Variants in DDX5 observed in about 807,000 individuals in gnomAD.
The protein encoded by DDX5 is DEAD-box helicase 5, also known as probable ATP-dependent RNA helicase DDX5.
In DDX5, 6 loss-of-function variants were observed where a neutral mutation model predicts 68.6. That is an observed-to-expected ratio of 0.09 (90% CI 0.05 to 0.17). DDX5 has a LOEUF of 0.17. DDX5 is among the 10% of genes least tolerant of loss of function. The probability of loss-of-function intolerance (pLI) is 1.00; values close to 1 mark genes in which losing one functional copy is unlikely to be tolerated. For missense variants in DDX5, 499 were observed against 756.1 expected (o/e 0.66, Z 3.99); for synonymous variants, 350 against 247.0 (o/e 1.42, Z -3.91).
rs1555670667 is a variant in DDX5 at position 64,499,898 on chromosome 17, G to A, written c.*25C>T. The A allele has an allele frequency of 3.3e-6, 5 of 1,527,274 alleles. No homozygotes were observed. The highest frequency in any genetic ancestry group is 2.3e-5 in the East Asian group (1 of 44,128). The allele number at this position is 1,527,274 out of a possible 1,614,324, so 94.6% of individuals were successfully genotyped here. On this transcript the variant is annotated 3_prime_UTR_variant, in exon 13 of 13. Coordinates refer to ENST00000225792, the MANE Select transcript of DDX5 (RefSeq NM_004396.5). ...ATATAAAGAGCAATTATGAAAAACA[G>A]ACATTTACATATACTTCTAAAGTCT...
In DDX5 at chr17:64,504,849, TG is replaced by T. The variant is rs782138317; in HGVS notation, c.45-8del. ...AAATCGAGGTGCACCAAACCTGGAATGAAAAAAAACGTTATTCACATTTTCA... is the reference window on the plus strand; with the variant it reads ...AAATCGAGGTGCACCAAACCTGGAATAAAAAAAACGTTATTCACATTTTCA... On this transcript the variant is annotated splice_polypyrimidine_tract_variant and splice_region_variant and intron_variant, in intron 1 of 12. Transcript: ENST00000225792. 3.7e-5 allele frequency: 58 copies of T among 1,587,242 alleles called. No homozygotes were observed. Among genetic ancestry groups the T allele is most frequent in the African/African-American group, 1.8e-4 (13 of 72,662 alleles).
At chr17:64,501,009 G>A (rs1555671027) in intron 11 of DDX5, 2 of 561,294 alleles carry the variant, frequency 3.6e-6, no homozygotes, top group Non-Finnish European at 6.3e-6. Flanking sequence ...CCTGTCAAAA[G>A]GAATGTGTGT....
chr17:64,503,776 A>G, intron 5 of DDX5, 27 bp downstream of exon 5: 1 of 1,600,548 alleles, frequency 6.2e-7, no homozygotes, highest in Non-Finnish European at 8.5e-7. Flanking sequence ...TTATGCTTCT[A>G]ATAAAAAGTT....
At position 64,499,194 on chromosome 17, in the gene DDX5, T is replaced by G. The variant is rs986768563; in HGVS notation, c.*729A>C. ...CACAGTATAGCCAAGAGCATGAGTA[T>G]AAGTCTCTTGAAAAAGCCAGTTATT... On this transcript the variant is annotated 3_prime_UTR_variant, in exon 13 of 13. Transcript: ENST00000225792. 6.6e-6 allele frequency among the ~76,000 whole-genome samples: 1 copy of G among 152,224 alleles called. No individual in the cohort carries two copies. The highest frequency in any genetic ancestry group is 1.5e-5 in the Non-Finnish European group (1 of 68,044).
intron 8 of DDX5, 166 bp from the exon 9 acceptor site, chr17:64,502,715 T>C: frequency 2.8e-6 from 2 of 714,532 alleles, no homozygotes; most frequent in South Asian, 4.0e-5. Context: ...GGTCCTTAAG[T>C]CAACCAGGGG....
rs1271141914 is a variant in DDX5 at position 64,505,596 on chromosome 17, T to C, written c.44+480A>G. On this transcript the variant is annotated intron_variant, in intron 1 of 12. Coordinates refer to ENST00000225792, the MANE Select transcript of DDX5 (RefSeq NM_004396.5). ...CGGGGTAACAAAGGCGCCGCCGCCA[T>C]GTCCGAGGCCGGCATTTTGTACTCG... The C allele has an allele frequency of 3.1e-5, 26 of 829,206 alleles. 1 individual carries two copies. The highest frequency in any genetic ancestry group is 2.9e-4 in the South Asian group (20 of 68,192). 51.4% of individuals were successfully genotyped at this position (829,206 alleles called of 1,614,324 possible). A position where few individuals can be genotyped will look rare whatever the true frequency, so the allele number is the denominator to read the frequency against.
intron 11 of DDX5, chr17:64,501,151 C>A: frequency 1.7e-5 from 4 of 231,820 alleles, no homozygotes; most frequent in Middle Eastern, 8.9e-4. Flanking sequence ...GACCTTGAAA[C>A]AAAAAAATGT....
In DDX5 at chr17:64,506,149, G is replaced by T. The variant is rs1555672556; in HGVS notation, c.-30C>A. 2.5e-6 allele frequency: 4 copies of T among 1,606,650 alleles called. No individual in the cohort carries two copies. The highest frequency in any genetic ancestry group is 3.4e-6 in the Non-Finnish European group (4 of 1,176,888). ...TCAATGGTTGCGGTTGGCGGGGAAC[G>T]AAGTATATAGAAAAGCGTGCGACAA... On this transcript the variant is annotated 5_prime_UTR_variant, in exon 1 of 13. Coordinates refer to ENST00000225792, the MANE Select transcript of DDX5 (RefSeq NM_004396.5).
chr17:64,506,020 A>AGCCC, intron 1 of DDX5, 56 bp downstream of exon 1: 23 of 868,036 alleles, frequency 2.6e-5, no homozygotes, highest in Non-Finnish European at 3.1e-5. Flanking sequence ...CGCCACCCTG[A>AGCCC]CCCGCCCTCC....
chr17:64,500,465 A>G, intron 12 of DDX5, 84 bp downstream of exon 12: 7 of 1,516,090 alleles, frequency 4.6e-6, no homozygotes, highest in Non-Finnish European at 5.4e-6. Flanking sequence ...TCAAGGTTTT[A>G]CTCACCCTCC....
At chr17:64,501,662 G>T in intron 11 of DDX5, 1 of 303,018 alleles carries the variant, frequency 3.3e-6, no homozygotes, top group Non-Finnish European at 6.2e-6. Flanking sequence ...TGCAAAGCAT[G>T]GGACAGAAGA....
chr17:64,499,996 T>C lies in DDX5; in HGVS notation c.1772A>G (p.Gln591Arg). The change falls in exon 13 of 13, where the codon CAG (glutamine) becomes CGG (arginine). Residue 591 changes from glutamine (Q) to arginine (R), a missense_variant. Transcript: ENST00000225792. ...VPNMHNGMNQ[Q>R]AYAYPATAAA... ...TGCAGTAGCAGGATATGCATATGCC[T>C]GTTGGTTCATACCATTGTGCATATT... The C allele has an allele frequency of 1.9e-6, 3 of 1,614,142 alleles. No individual in the cohort carries two copies. The highest frequency in any genetic ancestry group is 2.5e-6 in the Non-Finnish European group (3 of 1,179,978).
At chr17:64,501,361 C>CCGA (rs1361502067) in intron 11 of DDX5, 2 of 159,548 alleles carry the variant, frequency 1.3e-5, no homozygotes, top group African/African-American at 4.8e-5. Flanking sequence ...TGGCAGGTCT[C>CCGA]GACATGACGA....
At chr17:64,506,020 A>ACCCCCCCCCCC in intron 1 of DDX5, 56 bp downstream of exon 1, 1 of 868,082 alleles carries the variant, frequency 1.2e-6, no homozygotes, top group Non-Finnish European at 1.7e-6. Context: ...CGCCACCCTG[A>ACCCCCCCCCCC]CCCGCCCTCC....
intron 10 of DDX5, 42 bp downstream of exon 10, chr17:64,502,120 A>G (rs1555671189): frequency 1.2e-6 from 2 of 1,613,526 alleles, no homozygotes; most frequent in Non-Finnish European, 1.7e-6. Flanking sequence ...AATTCTAGCT[A>G]GGTTAAGTAA....
chr17:64,505,262 C>A, intron 1 of DDX5: 1 of 260,260 alleles, frequency 3.8e-6, no homozygotes, highest in South Asian at 6.5e-5. Flanking sequence ...CGTTTTGGAA[C>A]CAAACAGCTT....
rs573670680 is a variant in DDX5 at position 64,499,062 on chromosome 17, A to T, written c.*861T>A. On this transcript the variant is annotated 3_prime_UTR_variant, in exon 13 of 13. Transcript: ENST00000225792. ...CTGTGAAGACTAGAATCTACAAGTA[A>T]CCTGCACTAAGAACGAAATTCAGTA... is the stretch of plus-strand genomic sequence containing the variant. 6.6e-6 allele frequency among the ~76,000 whole-genome samples: 1 copy of T among 152,178 alleles called. No homozygotes were observed. Among genetic ancestry groups the T allele is most frequent in the South Asian group, 2.1e-4 (1 of 4,832 alleles).
intron 11 of DDX5, chr17:64,501,486 G>A (rs2038296228): frequency 6.2e-6 from 1 of 161,196 alleles, no homozygotes; most frequent in African/African-American, 2.4e-5. Flanking sequence ...TTTGTAAAAG[G>A]CTTAGTACCT....
chr17:64,505,379 G>C (rs529274865), intron 1 of DDX5: 1 of 456,346 alleles, frequency 2.2e-6, no homozygotes, highest in East Asian at 3.9e-5. Flanking sequence ...GTAGAGCTCC[G>C]GATCAACGAA....
Sources: allele counts gnomAD v4.1 joint callset (sites outside exome capture counted in the v4.1 genomes callset), GRCh38; gene constraint gnomAD v4.1.1; transcripts MANE v1.5; gene names NCBI Gene and HGNC (gene_info 2026-07-23, HGNC 2026-07-21).